Variants in PCDHGB7 observed in about 807,000 individuals in gnomAD.
PCDHGB7 encodes protocadherin gamma subfamily B, 7.
A neutral mutation model predicts 61.4 loss-of-function variants in PCDHGB7; 37 were observed. The ratio of observed to expected loss-of-function variants is 0.60; its 90% CI spans 0.46 to 0.79. PCDHGB7 has a LOEUF of 0.79. PCDHGB7 is among the 30% of genes least tolerant of loss of function. The pLI is 0.00. For missense variants in PCDHGB7, 1,166 were observed against 1,202.5 expected, an observed-to-expected ratio of 0.97 and a Z score of 0.45; for synonymous variants, 464 against 503.5, an observed-to-expected ratio of 0.92 and a Z score of 1.05.
rs1345800081 is a variant in PCDHGB7, at chr5:141,485,453, G to A, written c.2416-9354G>A. 1 of 1,614,176 alleles carries A rather than the reference G, an allele frequency of 6.2e-7. No homozygotes were observed. The highest frequency in any genetic ancestry group is 8.5e-7 in the Non-Finnish European group (1 of 1,180,036). On this transcript the variant is annotated intron_variant, in intron 1 of 3. Transcript: ENST00000398594. The surrounding 1 kb of genome is among the most constrained non-coding windows in gnomAD (Gnocchi z 5.7). ...CATCAAGAACCCAATCGACCGAGAG[G>A]CACTGTGTGGGCTCAGTGCCAGCTG...
chr5:141,419,472 G>T lies in PCDHGB7; in HGVS notation c.1613G>T (p.Gly538Val). 6.2e-7 allele frequency: 1 copy of T among 1,612,328 alleles called. No homozygotes were observed. Among genetic ancestry groups the T allele is most frequent in the South Asian group, 1.1e-5 (1 of 90,976 alleles). Residue 538 changes from glycine to valine, a missense_variant, in exon 1 of 4, where the codon GGC (glycine) becomes GTC (valine). Physicochemically the swap from Gly to Val is moderately radical, Grantham distance 109. Coordinates refer to ENST00000398594, the MANE Select transcript of PCDHGB7 (RefSeq NM_018927.4). ...FELTLQARDQ[G>V]SPALSANVSL... ...CTCACGCTGCAGGCCCGCGACCAGG[G>T]CTCGCCCGCGCTCAGCGCCAATGTG...
rs760747309 is a variant in PCDHGB7, at chr5:141,477,613, A to G, written c.2416-17194A>G. 1.2e-6 allele frequency: 2 copies of G among 1,614,210 alleles called. No individual in the cohort carries two copies. Among genetic ancestry groups the G allele is most frequent in the Non-Finnish European group, 8.5e-7 (1 of 1,180,044 alleles). ...GGCTTTCTTTCTTTCTCTTGGAGCA[A>G]GGAGCTGAAACCGGGCTAGTGGGTC... On this transcript the variant is annotated intron_variant, in intron 1 of 3. Coordinates refer to ENST00000398594, the MANE Select transcript of PCDHGB7 (RefSeq NM_018927.4). This position sits in a 1 kb window ranked among gnomAD's most constrained non-coding sequence, Gnocchi z 4.9.
At chr5:141,495,286 A>T (rs1341490472) in intron 2 of PCDHGB7, among the ~76,000 whole-genome samples, 2 of 152,088 alleles carry the variant, frequency 1.3e-5, no homozygotes, top group Non-Finnish European at 2.9e-5. Context: ...GGCGGTCCGC[A>T]CTCAGCGCCT....
rs186288044 is a variant in PCDHGB7, at chr5:141,433,652, A to G, written c.2415+13378A>G. On this transcript the variant is annotated intron_variant, in intron 1 of 3. Transcript: ENST00000398594. ...GGAGTTTGAGACCAGCCTGACCAAC[A>G]TGGAGAAACCCCGTCTATACTAAAA... is the stretch of plus-strand genomic sequence containing the variant. 1.0e-2 allele frequency among the ~76,000 whole-genome samples: 1,520 copies of G among 152,208 alleles called. 33 individuals are homozygous for G. The highest frequency in any genetic ancestry group is 0.034 in the African/African-American group (1,423 of 41,538).
rs143530538 is a variant in PCDHGB7 at position 141,490,323 on chromosome 5, G to A, written c.2416-4484G>A. 18 of 1,614,102 alleles carry A rather than the reference G, an allele frequency of 1.1e-5. No individual in the cohort carries two copies. Among genetic ancestry groups the A allele is most frequent in the Non-Finnish European group, 1.4e-5 (17 of 1,180,056 alleles). ...CCTCTTTGGCCAACCCTGTCCTAGA[G>A]AGCACACCAGTGGGCACAGTAGTGG... On this transcript the variant is annotated intron_variant, in intron 1 of 3. Transcript: ENST00000398594. This position sits in a 1 kb window ranked among gnomAD's most constrained non-coding sequence, Gnocchi z 5.4.
chr5:141,501,425 G>A (rs1444899306), intron 2 of PCDHGB7, among the ~76,000 whole-genome samples: 1 of 151,726 alleles, frequency 6.6e-6, no homozygotes, highest in Non-Finnish European at 1.5e-5. Flanking sequence ...TTGACTAAAT[G>A]TAGTCCATTT....
At chr5:141,510,627 G>C (rs2099881988) in intron 3 of PCDHGB7, among the ~76,000 whole-genome samples, 2 of 152,090 alleles carry the variant, frequency 1.3e-5, no homozygotes, top group South Asian at 2.1e-4. Context: ...AACCAGAAGA[G>C]GTGGTTACCA....
At position 141,431,389 on chromosome 5, in the gene PCDHGB7, G is replaced by A; in HGVS notation, c.2415+11115G>A. 2 of 1,613,876 alleles carry A rather than the reference G, an allele frequency of 1.2e-6. No individual in the cohort carries two copies. The highest frequency in any genetic ancestry group is 1.7e-6 in the Non-Finnish European group (2 of 1,180,040). ...GCGAAGAAAAGGCTGCTCACCACCT[G>A]GTCCTTACGGCCTCCGACGGGGGCG... On this transcript the variant is annotated intron_variant, in intron 1 of 3. Coordinates refer to ENST00000398594, the MANE Select transcript of PCDHGB7 (RefSeq NM_018927.4). This position sits in a 1 kb window ranked among gnomAD's most constrained non-coding sequence, Gnocchi z 4.8.
At chr5:141,425,842 T>G (rs2096897830) in intron 1 of PCDHGB7, among the ~76,000 whole-genome samples, 1 of 152,230 alleles carries the variant, frequency 6.6e-6, no homozygotes, top group Non-Finnish European at 1.5e-5. Context: ...TTCTCTTTGC[T>G]GGGTTAATGA....
chr5:141,423,750 T>TGGG lies in PCDHGB7; in HGVS notation c.2415+3484_2415+3486dup, dbSNP rs144521096. 4.7e-3 allele frequency: 1,348 copies of TGGG among 288,070 alleles called. 1 individual carries two copies. The highest frequency in any genetic ancestry group is 5.4e-3 in the Non-Finnish European group (1,192 of 221,408). 17.8% of individuals were successfully genotyped at this position (288,070 alleles called of 1,614,324 possible). A position where few individuals can be genotyped will look rare whatever the true frequency, so the allele number is the denominator to read the frequency against. ...TTTTGAGCCTGTTATGAAAACTGTT[T>TGGG]GGGGGGGGGGTGGGGCGGCATATAT... is the stretch of plus-strand genomic sequence containing the variant. On this transcript the variant is annotated intron_variant, in intron 1 of 3. Coordinates refer to ENST00000398594, the MANE Select transcript of PCDHGB7 (RefSeq NM_018927.4).
rs567684479 is a variant in PCDHGB7 at position 141,432,875 on chromosome 5, G to T, written c.2415+12601G>T. The T allele has an allele frequency of 6.2e-7, 1 of 1,614,178 alleles. No individual in the cohort carries two copies. Among genetic ancestry groups the T allele is most frequent in the South Asian group, 1.1e-5 (1 of 91,084 alleles). ...GGCCGCGGTCTCCTGCGTCTTCCTG[G>T]CCTTCGTCATCTTGCTGCTGGCGCT... On this transcript the variant is annotated intron_variant, in intron 1 of 3. Coordinates refer to ENST00000398594, the MANE Select transcript of PCDHGB7 (RefSeq NM_018927.4). This position sits in a 1 kb window ranked among gnomAD's most constrained non-coding sequence, Gnocchi z 6.0.
chr5:141,465,043 T>C (rs1404714692), intron 1 of PCDHGB7, among the ~76,000 whole-genome samples: 2 of 152,030 alleles, frequency 1.3e-5, no homozygotes, highest in Non-Finnish European at 2.9e-5. Context: ...CAAATGACCC[T>C]ATATATTTTT....
At position 141,431,421 on chromosome 5, in the gene PCDHGB7, T is replaced by A. The variant is rs2097372202; in HGVS notation, c.2415+11147T>A. On this transcript the variant is annotated intron_variant, in intron 1 of 3. Transcript: ENST00000398594. The surrounding 1 kb of genome is among the most constrained non-coding windows in gnomAD (Gnocchi z 4.8). The stretch of plus-strand genomic sequence containing the variant: ...ACGGCCTCCGACGGGGGCGACCCGG[T>A]GCGCACAGGCACCGCGCGCATCCGC... 1 of 1,613,580 alleles carries A rather than the reference T, an allele frequency of 6.2e-7. No individual in the cohort carries two copies. The highest frequency in any genetic ancestry group is 1.1e-5 in the South Asian group (1 of 91,082).
chr5:141,427,819 T>C, intron 1 of PCDHGB7: 1 of 1,531,664 alleles, frequency 6.5e-7, no homozygotes, highest in Non-Finnish European at 8.9e-7. Context: ...AGCGGGGTGG[T>C]GGTCGCGCAG....
chr5:141,477,087 C>A lies in PCDHGB7; in HGVS notation c.2416-17720C>A, dbSNP rs748424193. 14 of 1,614,244 alleles carry A rather than the reference C, an allele frequency of 8.7e-6. No individual in the cohort carries two copies. Among genetic ancestry groups the A allele is most frequent in the Non-Finnish European group, 8.5e-7 (1 of 1,180,048 alleles). On this transcript the variant is annotated intron_variant, in intron 1 of 3. Transcript: ENST00000398594. This position sits in a 1 kb window ranked among gnomAD's most constrained non-coding sequence, Gnocchi z 4.9. ...AAACTCCATGAGATTTACATCCAGG[C>A]CAAAGACAAGGGCGCCAATCCCGAA...
intron 1 of PCDHGB7, among the ~76,000 whole-genome samples, chr5:141,439,459 A>C (rs558086952): frequency 6.6e-6 from 1 of 152,222 alleles, no homozygotes. Flanking sequence ...GCAAGACTGC[A>C]CTGCTGCCTT....
chr5:141,502,661 T>G (rs1440361647), intron 2 of PCDHGB7, among the ~76,000 whole-genome samples: 1 of 152,240 alleles, frequency 6.6e-6, no homozygotes. Flanking sequence ...CAACCCTTCA[T>G]GCAATTTTAG....
At position 141,418,882 on chromosome 5, in the gene PCDHGB7, C is replaced by T. The variant is rs945382775; in HGVS notation, c.1023C>T (p.Asn341=). The stretch of plus-strand genomic sequence containing the variant: ...TAATTGTAGAAGTTGTAGACGAAAA[C>T]GACAACAGCCCAGAAATAATCATCA... ...CKVIVEVVDE[N]DNSPEIIITS... Residue 341 remains asparagine (N), a synonymous_variant, in exon 1 of 4, where the codon AAC becomes AAT. Coordinates refer to ENST00000398594, the MANE Select transcript of PCDHGB7 (RefSeq NM_018927.4). 5.0e-6 allele frequency: 8 copies of T among 1,613,960 alleles called. No homozygotes were observed. The highest frequency in any genetic ancestry group is 1.7e-5 in the Admixed American group (1 of 60,028).
In PCDHGB7 at chr5:141,432,071, A is replaced by G; in HGVS notation, c.2415+11797A>G. On this transcript the variant is annotated intron_variant, in intron 1 of 3. Transcript: ENST00000398594. The surrounding 1 kb of genome is among the most constrained non-coding windows in gnomAD (Gnocchi z 6.0). ...CCCGCCCCTATCCACGGAAACTCAT[A>G]TCTCGCTGAACGTGGCAGACACCAA... is the stretch of plus-strand genomic sequence containing the variant. 2 of 1,614,158 alleles carry G rather than the reference A, an allele frequency of 1.2e-6. No individual in the cohort carries two copies. The highest frequency in any genetic ancestry group is 1.7e-6 in the Non-Finnish European group (2 of 1,180,032).
Sources: gnomAD v4.1 joint callset for allele counts (sites outside exome capture counted in the v4.1 genomes callset) on GRCh38, gnomAD v4.1.1 for gene constraint, Gnocchi (gnomAD v3.1) non-coding constraint, MANE v1.5 for transcripts, NCBI Gene and HGNC (gene_info 2026-07-23, HGNC 2026-07-21) for gene names.